Variants in C1QTNF7 observed in about 807,000 individuals in gnomAD.
The protein encoded by C1QTNF7 is C1q and TNF related 7, also known as complement C1q tumor necrosis factor-related protein 7.
A neutral mutation model predicts 19.6 loss-of-function variants in C1QTNF7; 15 were observed. That is an observed-to-expected ratio of 0.76 (90% confidence interval 0.51 to 1.18). The LOEUF is 1.18. Ranked by LOEUF, C1QTNF7 falls within the 50% of genes most tolerant of loss-of-function variation. The pLI is 0.00. For synonymous variants in C1QTNF7, 142 were observed against 137.5 expected (o/e 1.03, Z -0.23); for missense variants, 324 against 359.7 (o/e 0.90, Z 0.80).
exon 1 of C1QTNF7, chr4:15,340,023 C>A (rs1454175280): frequency 2.5e-6 from 2 of 813,036 alleles, no homozygotes; most frequent in Non-Finnish European, 4.1e-6. Flanking sequence ...CAAACGCATT[C>A]TCATGCTCAG....
intron 1 of C1QTNF7, among the ~76,000 whole-genome samples, chr4:15,429,597 T>C (rs566174651): frequency 1.3e-5 from 2 of 152,330 alleles, no homozygotes; most frequent in South Asian, 4.1e-4. Flanking sequence ...GAAGATTCCA[T>C]TGTACGTGTA....
At chr4:15,346,698 G>C (rs1716727799) in intron 1 of C1QTNF7, among the ~76,000 whole-genome samples, 1 of 152,156 alleles carries the variant, frequency 6.6e-6, no homozygotes, top group African/African-American at 2.4e-5. Flanking sequence ...GAATGTATCA[G>C]AATTACCAAC....
intron 1 of C1QTNF7, among the ~76,000 whole-genome samples, chr4:15,349,145 G>A (rs1329495645): frequency 6.6e-6 from 1 of 152,198 alleles, no homozygotes; most frequent in Non-Finnish European, 1.5e-5. Context: ...ACTTGAGGAG[G>A]AAATGTAAAA....
At chr4:15,437,866 A>G (rs1712597147) in intron 2 of C1QTNF7, among the ~76,000 whole-genome samples, 2 of 152,130 alleles carry the variant, frequency 1.3e-5, no homozygotes, top group Non-Finnish European at 1.5e-5. Context: ...TTGACAATCA[A>G]AATTTTTCTA....
chr4:15,410,135 A>T (rs1391933860), intron 1 of C1QTNF7, among the ~76,000 whole-genome samples: 1 of 152,224 alleles, frequency 6.6e-6, no homozygotes, highest in Non-Finnish European at 1.5e-5. Flanking sequence ...CTCCTGAGGC[A>T]TTTTAATTTA....
intron 1 of C1QTNF7, among the ~76,000 whole-genome samples, chr4:15,360,296 T>C (rs1037728848): frequency 2.0e-5 from 3 of 152,174 alleles, no homozygotes; most frequent in African/African-American, 7.2e-5. Flanking sequence ...TATAAAGTCA[T>C]AGTGAATTTG....
At chr4:15,350,419 C>G (rs200072160) in intron 1 of C1QTNF7, among the ~76,000 whole-genome samples, 1 of 46,958 alleles carries the variant, frequency 2.1e-5, no homozygotes, top group African/African-American at 1.5e-4. Context: ...ATTTTCTTTC[C>G]CTGTAAAGTT....
intron 2 of C1QTNF7, among the ~76,000 whole-genome samples, chr4:15,441,656 A>G (rs992881344): frequency 6.6e-6 from 1 of 152,224 alleles, no homozygotes; most frequent in Non-Finnish European, 1.5e-5. Flanking sequence ...TTTCTTACAT[A>G]TTCAGGAAAA....
chr4:15,402,476 G>A (rs142229601), intron 1 of C1QTNF7, among the ~76,000 whole-genome samples: 2 of 152,054 alleles, frequency 1.3e-5, no homozygotes, highest in African/African-American at 2.4e-5. Context: ...TTACAAAACC[G>A]AATCAAGACT....
In C1QTNF7 at chr4:15,345,404, G is replaced by C. The variant is rs73230956; in HGVS notation, c.13+5197G>C. On this transcript the variant is annotated intron_variant, in intron 1 of 2. Coordinates refer to the C1QTNF7 transcript ENST00000295297. ...CTCCCTTCTGAGGTCTAGCCAGGCA[G>C]GGTGACGATTTCTACTTCTCACAGA... is the stretch of plus-strand genomic sequence containing the variant. Among the ~76,000 whole-genome samples the C allele has an allele frequency of 5.1e-3, 779 of 152,326 alleles. 8 individuals are homozygous for C. The highest frequency in any genetic ancestry group is 6.8e-3 in the Non-Finnish European group (465 of 68,030).
In C1QTNF7 at chr4:15,411,357, T is replaced by TA. The variant is rs200304896; in HGVS notation, c.14-24370dup. On this transcript the variant is annotated intron_variant, in intron 1 of 2. Transcript: ENST00000295297. ...ATTCATGCTTTTCATTATGAAATAT[T>TA]AAAAAAAAACCACTGTGCACATGCA... Among the ~76,000 whole-genome samples the TA allele has an allele frequency of 3.7e-3, 561 of 151,494 alleles. 5 individuals are homozygous for TA. Among genetic ancestry groups the TA allele is most frequent in the African/African-American group, 0.012 (508 of 41,282 alleles).
intron 1 of C1QTNF7, among the ~76,000 whole-genome samples, chr4:15,422,108 G>A (rs1213594031): frequency 6.6e-6 from 1 of 151,192 alleles, no homozygotes; most frequent in African/African-American, 2.4e-5. Context: ...TTTAGTGGTG[G>A]TTATACAATT....
intron 1 of C1QTNF7, among the ~76,000 whole-genome samples, chr4:15,392,967 G>T (rs997060316): frequency 6.6e-6 from 1 of 152,148 alleles, no homozygotes; most frequent in African/African-American, 2.4e-5. Flanking sequence ...GATATAATTT[G>T]ACTGTGTCCC....
intron 1 of C1QTNF7, among the ~76,000 whole-genome samples, chr4:15,386,038 C>A (rs925836132): frequency 6.6e-6 from 1 of 152,210 alleles, no homozygotes; most frequent in Non-Finnish European, 1.5e-5. Context: ...AAAAACCAGA[C>A]CTGGAAGCCA....
At chr4:15,375,442 G>A (rs1296575813) in intron 1 of C1QTNF7, among the ~76,000 whole-genome samples, 1 of 152,136 alleles carries the variant, frequency 6.6e-6, no homozygotes, top group Non-Finnish European at 1.5e-5. Context: ...CTATGAGTTT[G>A]CATTAATAGT....
At chr4:15,433,505 T>C (rs1337898169) in intron 1 of C1QTNF7, among the ~76,000 whole-genome samples, 1 of 152,172 alleles carries the variant, frequency 6.6e-6, no homozygotes, top group Non-Finnish European at 1.5e-5. Flanking sequence ...ATAACTTAAG[T>C]GATTAGGCAC....
chr4:15,356,647 G>C (rs1717155924), intron 1 of C1QTNF7, among the ~76,000 whole-genome samples: 2 of 152,120 alleles, frequency 1.3e-5, no homozygotes, highest in African/African-American at 2.4e-5. Flanking sequence ...TGGTATTTCT[G>C]GTTCTAGATC....
intron 1 of C1QTNF7, among the ~76,000 whole-genome samples, chr4:15,369,536 T>C (rs954463799): frequency 2.0e-5 from 3 of 152,246 alleles, no homozygotes; most frequent in African/African-American, 7.2e-5. Flanking sequence ...ATTGTTTGTT[T>C]CCTGCCTTAT....
chr4:15,355,950 T>TCTAACTGCA (rs1368577709), intron 1 of C1QTNF7, among the ~76,000 whole-genome samples: 30 of 152,234 alleles, frequency 2.0e-4, no homozygotes, highest in African/African-American at 7.2e-4. Flanking sequence ...CTCTAACTCC[T>TCTAACTGCA]GGGCTCAAAC....
Sources: gnomAD v4.1 joint callset for allele counts (sites outside exome capture counted in the v4.1 genomes callset) on GRCh38, gnomAD v4.1.1 for gene constraint, MANE v1.5 for transcripts, NCBI Gene and HGNC (gene_info 2026-07-23, HGNC 2026-07-21) for gene names.